Variants in ITPRIP observed in about 807,000 individuals in gnomAD.
ITPRIP encodes the protein inositol 1,4,5-trisphosphate receptor-interacting protein.
In ITPRIP, 32 loss-of-function variants were observed where a neutral mutation model predicts 35.8. The ratio of observed to expected loss-of-function variants is 0.89; its 90% CI spans 0.68 to 1.20. The LOEUF is 1.20. ITPRIP is among the 50% of genes most tolerant of loss of function. ITPRIP has a pLI of 0.00. For missense variants in ITPRIP, 653 were observed against 735.6 expected (o/e 0.89, Z 1.30); for synonymous variants, 358 against 324.0 (o/e 1.11, Z -1.13).
At position 104,315,981 on chromosome 10, in the gene ITPRIP, G is replaced by A. The variant is rs1284511043; in HGVS notation, c.71C>T (p.Pro24Leu). ...CTCGGGGACTGTGGCGTTCTCCCGC[G>A]GGAACAGCAGCGGGTGGTTGATGAT... ...TAIINHPLLF[P>L]RENATVPENE... The change falls in exon 2 of 2, where the codon CCG (proline) becomes CTG (leucine). Residue 24 changes from proline (P) to leucine (L), a missense_variant. Pro to Leu is a moderately conservative substitution (Grantham distance 98). Coordinates refer to ENST00000337478, the MANE Select transcript of ITPRIP (RefSeq NM_001272013.2). This position sits in a 1 kb window ranked among gnomAD's most constrained non-coding sequence, Gnocchi z 5.7. The A allele has an allele frequency of 5.0e-6, 8 of 1,612,672 alleles. No homozygotes were observed. The highest frequency in any genetic ancestry group is 1.3e-5 in the African/African-American group (1 of 74,896).
Position 104,328,282 on chromosome 10 carries a change from C to T in ITPRIP, c.-14+9964G>A, listed in dbSNP as rs2014073875. The T allele has an allele frequency of 1.0e-5, 10 of 985,300 alleles. No homozygotes were observed. The highest frequency in any genetic ancestry group is 1.7e-5 in the African/African-American group (1 of 57,226). 61.0% of individuals were successfully genotyped at this position (985,300 alleles called of 1,614,324 possible). ...GGCTTGGTCTGGGCTCGTATTCCTCCGAATTTCCCCTAGCCCTGTGGCCGC... is the reference window on the plus strand; with the variant it reads ...GGCTTGGTCTGGGCTCGTATTCCTCTGAATTTCCCCTAGCCCTGTGGCCGC... On this transcript the variant is annotated intron_variant, in intron 1 of 1. Coordinates refer to ENST00000337478, the MANE Select transcript of ITPRIP (RefSeq NM_001272013.2). The surrounding 1 kb of genome is among the most constrained non-coding windows in gnomAD (Gnocchi z 4.1).
rs545046750 is a variant in ITPRIP, at chr10:104,315,723, C to T, written c.329G>A (p.Gly110Glu). The change falls in exon 2 of 2, where the codon GGG becomes GAG. Residue 110 changes from glycine (G) to glutamate (E), a missense_variant. Transcript: ENST00000337478. This position sits in a 1 kb window ranked among gnomAD's most constrained non-coding sequence, Gnocchi z 5.7. ...ACCGCCCAGGCACTCAGGTGAGGGCCCCTCCTGGTGGTCCTGCCGCCACAC... is the reference window on the plus strand; with the variant it reads ...ACCGCCCAGGCACTCAGGTGAGGGCTCCTCCTGGTGGTCCTGCCGCCACAC... ...IEVWRQDHQE[G>E]PSPECLGGEE... The T allele has an allele frequency of 1.9e-6, 3 of 1,613,700 alleles. No homozygotes were observed. Among genetic ancestry groups the T allele is most frequent in the African/African-American group, 1.3e-5 (1 of 75,052 alleles).
chr10:104,324,277 G>T (rs907597749), intron 1 of ITPRIP, among the ~76,000 whole-genome samples: 2 of 152,216 alleles, frequency 1.3e-5, no homozygotes, highest in Non-Finnish European at 2.9e-5. Context: ...TCCCACCAGG[G>T]CATCTCTGGC....
intron 1 of ITPRIP, among the ~76,000 whole-genome samples, chr10:104,337,175 T>A (rs1376082068): frequency 7.9e-5 from 12 of 152,232 alleles, no homozygotes; most frequent in Non-Finnish European, 1.5e-5. Context: ...AGGGCTCACC[T>A]GGGCCTAAAA....
intron 1 of ITPRIP, among the ~76,000 whole-genome samples, chr10:104,316,553 AG>A (rs1033347542): frequency 3.3e-5 from 5 of 152,156 alleles, no homozygotes; most frequent in African/African-American, 1.2e-4. Flanking sequence ...TTTGGTTGCT[AG>A]GTTGCTGAGG....
chr10:104,309,749 TATAC>T lies in ITPRIP; in HGVS notation c.*4655_*4658del, dbSNP rs999166388. On this transcript the variant is annotated 3_prime_UTR_variant, in exon 2 of 2. Transcript: ENST00000337478. Reference sequence around the variant, plus strand: ...AAAGGACTAAAAGGATGCATATATATATACATACATGTGACACATACACAGAAAA... The same window carrying T: ...AAAGGACTAAAAGGATGCATATATATATACATGTGACACATACACAGAAAA... The T allele has an allele frequency of 6.6e-6, 1 of 152,124 alleles. No individual in the cohort carries two copies. Among genetic ancestry groups the T allele is most frequent in the African/African-American group, 2.4e-5 (1 of 41,402 alleles). 9.4% of individuals were successfully genotyped at this position (152,124 alleles called of 1,614,324 possible).
chr10:104,335,708 T>C (rs2014220995), intron 1 of ITPRIP, among the ~76,000 whole-genome samples: 1 of 152,204 alleles, frequency 6.6e-6, no homozygotes, highest in East Asian at 1.9e-4. Flanking sequence ...AAGGCAACTG[T>C]TCTTCCCCCT....
At chr10:104,336,364 G>A (rs2014232665) in intron 1 of ITPRIP, among the ~76,000 whole-genome samples, 1 of 151,968 alleles carries the variant, frequency 6.6e-6, no homozygotes, top group Non-Finnish European at 1.5e-5. Flanking sequence ...CCCCTTCCAA[G>A]CAGATTCTCC....
chr10:104,314,851 CG>C lies in ITPRIP; in HGVS notation c.1200del (p.Glu401ArgfsTer11). The C allele has an allele frequency of 6.2e-7, 1 of 1,613,758 alleles. No homozygotes were observed. On this transcript the variant is annotated frameshift_variant, in exon 2 of 2. Transcript: ENST00000337478. LOFTEE classifies it high-confidence loss of function. ...HFLRTTLKAL[P>X]EGACHLSCLQ... is the part of the protein sequence containing the mutation. ...AGGCAGCTGAGGTGGCAGGCGCCCT[CG>C]GGCAGTGCCTTTAGTGTCGTCCTGA... is the stretch of plus-strand genomic sequence containing the variant.
rs1017928005 is a variant in ITPRIP, at chr10:104,328,204, C to T, written c.-14+10042G>A. The T allele has an allele frequency of 9.1e-6, 9 of 984,746 alleles. No homozygotes were observed. The highest frequency in any genetic ancestry group is 1.1e-5 in the Non-Finnish European group (9 of 829,326). 61.0% of individuals were successfully genotyped at this position (984,746 alleles called of 1,614,324 possible). On this transcript the variant is annotated intron_variant, in intron 1 of 1. Coordinates refer to ENST00000337478, the MANE Select transcript of ITPRIP (RefSeq NM_001272013.2). The surrounding 1 kb of genome is among the most constrained non-coding windows in gnomAD (Gnocchi z 4.1). ...AGGATTCCCATCTCCGGTTTCTATGCGTGAATCACAGTGACAGCAATGCGC... is the reference window on the plus strand; with the variant it reads ...AGGATTCCCATCTCCGGTTTCTATGTGTGAATCACAGTGACAGCAATGCGC...
chr10:104,328,688 G>C lies in ITPRIP; in HGVS notation c.-14+9558C>G, dbSNP rs551425735. Reference sequence around the variant, plus strand: ...ACTAGGATGGATGGAATTAAATAAAGGGCCAGCACCCAGCAGCCACCTTCT... The same window carrying C: ...ACTAGGATGGATGGAATTAAATAAACGGCCAGCACCCAGCAGCCACCTTCT... On this transcript the variant is annotated intron_variant, in intron 1 of 1. Transcript: ENST00000337478. The surrounding 1 kb of genome is among the most constrained non-coding windows in gnomAD (Gnocchi z 4.1). Among the ~76,000 whole-genome samples the C allele has an allele frequency of 6.6e-6, 1 of 151,818 alleles. No individual in the cohort carries two copies. The highest frequency in any genetic ancestry group is 1.9e-4 in the East Asian group (1 of 5,158).
At position 104,315,405 on chromosome 10, in the gene ITPRIP, G is replaced by T. The variant is rs767540161; in HGVS notation, c.647C>A (p.Pro216His). 1 of 1,584,252 alleles carries T rather than the reference G, an allele frequency of 6.3e-7. No homozygotes were observed. The highest frequency in any genetic ancestry group is 1.7e-5 in the Admixed American group (1 of 58,444). The change falls in exon 2 of 2, where the codon CCC (proline) becomes CAC (histidine). Residue 216 changes from proline to histidine, a missense_variant. Transcript: ENST00000337478. This position sits in a 1 kb window ranked among gnomAD's most constrained non-coding sequence, Gnocchi z 5.7. ...LLCHLFVPFT[P>H]PEPYRFHPEL... ...TGGGTGGAAGCGGTAGGGCTCGGGG[G>T]GTGTGAAGGGCACGAAAAGGTGGCA... is the stretch of plus-strand genomic sequence containing the variant.
At chr10:104,337,486 CTTTTTTTTTCTT>C (rs1459325404) in intron 1 of ITPRIP, among the ~76,000 whole-genome samples, 1 of 151,124 alleles carries the variant, frequency 6.6e-6, no homozygotes, top group Admixed American at 6.6e-5. Flanking sequence ...TGGTCGGTGG[CTTTTTTTTTCTT>C]TTTCTTTTTC....
rs2013504788 is a variant in ITPRIP at position 104,312,189 on chromosome 10, C to T, written c.*2219G>A. The T allele has an allele frequency of 2.6e-5, 4 of 152,410 alleles. No homozygotes were observed. 9.4% of individuals were successfully genotyped at this position (152,410 alleles called of 1,614,324 possible). On this transcript the variant is annotated 3_prime_UTR_variant, in exon 2 of 2. Coordinates refer to ENST00000337478, the MANE Select transcript of ITPRIP (RefSeq NM_001272013.2). ...AATATAAATAAGGCAGCATGAAACA[C>T]CAAGAGCCCCACTGCTTTCTGCTTT...
chr10:104,316,128 C>T (rs1032294923), intron 1 of ITPRIP, 64 bp from the exon 2 acceptor site: 22 of 1,356,806 alleles, frequency 1.6e-5, no homozygotes, highest in Middle Eastern at 2.6e-4. Flanking sequence ...CCCTGGGCCC[C>T]GCACCAACCT....
At position 104,315,156 on chromosome 10, in the gene ITPRIP, T is replaced by C. The variant is rs982079576; in HGVS notation, c.896A>G (p.Gln299Arg). 3 of 1,614,030 alleles carry C rather than the reference T, an allele frequency of 1.9e-6. No homozygotes were observed. In the African/African-American group the frequency reaches 4.0e-5, roughly 22 times the overall value. Residue 299 changes from glutamine to arginine, a missense_variant, in exon 2 of 2, where the codon CAG (glutamine) becomes CGG (arginine). Gln to Arg is a conservative substitution (Grantham distance 43). Coordinates refer to ENST00000337478, the MANE Select transcript of ITPRIP (RefSeq NM_001272013.2). The surrounding 1 kb of genome is among the most constrained non-coding windows in gnomAD (Gnocchi z 5.7). Reference protein sequence around the residue: ...ATDSLYLDTMQVMKWFQTALT... With the variant: ...ATDSLYLDTMRVMKWFQTALT... Reference sequence around the variant, plus strand: ...GGCCGTCTGGAACCACTTCATGACCTGCATCGTGTCCAGGTACAGGGAATC... The same window carrying C: ...GGCCGTCTGGAACCACTTCATGACCCGCATCGTGTCCAGGTACAGGGAATC...
rs1477057051 is a variant in ITPRIP, at chr10:104,328,961, GAC to G, written c.-14+9283_-14+9284del. ...TCCCCCTGCGGCTTAGGCGGTACCT[GAC>G]ACAAAGCCTGGGCCCCAGCTGGGCT... On this transcript the variant is annotated intron_variant, in intron 1 of 1. Coordinates refer to ENST00000337478, the MANE Select transcript of ITPRIP (RefSeq NM_001272013.2). This position sits in a 1 kb window ranked among gnomAD's most constrained non-coding sequence, Gnocchi z 4.1. The G allele has an allele frequency of 5.3e-5, 8 of 152,128 alleles. No individual in the cohort carries two copies. The highest frequency in any genetic ancestry group is 1.7e-4 in the African/African-American group (7 of 41,350). 9.4% of individuals were successfully genotyped at this position (152,128 alleles called of 1,614,324 possible).
In ITPRIP at chr10:104,314,385, G is replaced by A; in HGVS notation, c.*23C>T. 6.3e-7 allele frequency: 1 copy of A among 1,587,264 alleles called. No homozygotes were observed. Among genetic ancestry groups the A allele is most frequent in the Non-Finnish European group, 8.6e-7 (1 of 1,164,004 alleles). On this transcript the variant is annotated 3_prime_UTR_variant, in exon 2 of 2. Coordinates refer to ENST00000337478, the MANE Select transcript of ITPRIP (RefSeq NM_001272013.2). ...AGGGATGCCCTCATCTTAGCTCGAG[G>A]ATCCCACATTCTGTAAAAGACGTCA...
chr10:104,325,892 G>A (rs1378116880), intron 1 of ITPRIP, among the ~76,000 whole-genome samples: 1 of 152,234 alleles, frequency 6.6e-6, no homozygotes, highest in Non-Finnish European at 1.5e-5. Flanking sequence ...GCTGGGCTCA[G>A]AAGCACCCAG....
Sources: gnomAD v4.1 joint callset for allele counts (sites outside exome capture counted in the v4.1 genomes callset) on GRCh38, gnomAD v4.1.1 for gene constraint, Gnocchi (gnomAD v3.1) non-coding constraint, MANE v1.5 for transcripts, NCBI Gene and HGNC (gene_info 2026-07-23, HGNC 2026-07-21) for gene names.